Variants in ADAMTS3 observed in about 807,000 individuals in gnomAD.
The protein encoded by ADAMTS3 is A disintegrin and metalloproteinase with thrombospondin motifs 3.
Under a neutral mutation model 129.0 loss-of-function variants are expected in ADAMTS3, and 73 were observed. The observed-to-expected ratio is 0.57, with a 90% CI of 0.47 to 0.69. The LOEUF is 0.69. ADAMTS3 is among the 30% of genes least tolerant of loss of function. The pLI, the probability that ADAMTS3 is intolerant of heterozygous loss-of-function variation, is 0.00. For missense variants in ADAMTS3, 1,457 were observed against 1,514.5 expected, an observed-to-expected ratio of 0.96 and a Z score of 0.63; for synonymous variants, 477 against 510.8, an observed-to-expected ratio of 0.93 and a Z score of 0.89.
chr4:72,517,261 C>T (rs1316740779), intron 3 of ADAMTS3, among the ~76,000 whole-genome samples: 4 of 152,170 alleles, frequency 2.6e-5, no homozygotes, highest in East Asian at 1.9e-4. Flanking sequence ...AGGAGATTTG[C>T]ATCAATGTTC....
intron 21 of ADAMTS3, among the ~76,000 whole-genome samples, chr4:72,284,365 A>G (rs1194923953): frequency 1.3e-5 from 2 of 151,888 alleles, no homozygotes; most frequent in East Asian, 3.9e-4. Flanking sequence ...GAGTGGCGTG[A>G]ACCCAGGAGG....
chr4:72,323,674 A>G (rs1357857939), intron 5 of ADAMTS3, among the ~76,000 whole-genome samples: 1 of 152,140 alleles, frequency 6.6e-6, no homozygotes, highest in Non-Finnish European at 1.5e-5. Context: ...TATTTAAGTT[A>G]CTAAGGAGAC....
At chr4:72,298,533 T>A in intron 17 of ADAMTS3, 91 bp from the exon 18 acceptor site, 1 of 1,042,254 alleles carries the variant, frequency 9.6e-7, no homozygotes, top group Non-Finnish European at 1.4e-6. Context: ...TTGCTCTTAT[T>A]AAAACTGAAA....
At chr4:72,476,937 G>A (rs958891122) in intron 3 of ADAMTS3, among the ~76,000 whole-genome samples, 15 of 152,070 alleles carry the variant, frequency 9.9e-5, no homozygotes, top group African/African-American at 3.1e-4. Context: ...CAGAAAATAC[G>A]TATCAAATGA....
At chr4:72,334,923 A>C (rs1719951683) in intron 5 of ADAMTS3, among the ~76,000 whole-genome samples, 1 of 152,192 alleles carries the variant, frequency 6.6e-6, no homozygotes, top group Admixed American at 6.5e-5. Context: ...AGAGGTTAAA[A>C]AAAGCAGATG....
chr4:72,520,635 C>A (rs1720642093), intron 3 of ADAMTS3, among the ~76,000 whole-genome samples: 1 of 152,210 alleles, frequency 6.6e-6, no homozygotes, highest in African/African-American at 2.4e-5. Flanking sequence ...GGGCGTAGGA[C>A]CCTCCAAGCC....
intron 3 of ADAMTS3, among the ~76,000 whole-genome samples, chr4:72,529,679 T>A (rs1720912170): frequency 7.9e-6 from 1 of 126,480 alleles, no homozygotes; most frequent in Admixed American, 1.1e-4. Flanking sequence ...TAAATATTAT[T>A]TATATATTAA....
intron 3 of ADAMTS3, among the ~76,000 whole-genome samples, chr4:72,437,352 C>A (rs142876487): frequency 1.3e-5 from 2 of 151,770 alleles, no homozygotes; most frequent in African/African-American, 4.8e-5. Context: ...CCACGTACAT[C>A]GAAAATTTAT....
chr4:72,481,585 A>T (rs974400499), intron 3 of ADAMTS3, among the ~76,000 whole-genome samples: 1 of 152,200 alleles, frequency 6.6e-6, no homozygotes, highest in Non-Finnish European at 1.5e-5. Context: ...TCATAAAATC[A>T]TAAGACTTTT....
At chr4:72,398,174 G>A (rs528919710) in intron 4 of ADAMTS3, among the ~76,000 whole-genome samples, 2 of 152,290 alleles carry the variant, frequency 1.3e-5, no homozygotes, top group South Asian at 2.1e-4. Flanking sequence ...TGCTGAGGAT[G>A]AGAGCCATGT....
intron 4 of ADAMTS3, among the ~76,000 whole-genome samples, chr4:72,355,141 C>G (rs1023851073): frequency 2.0e-5 from 3 of 150,650 alleles, no homozygotes; most frequent in Non-Finnish European, 4.4e-5. Flanking sequence ...ATAGTCTACT[C>G]ATTTTTTTTT....
At chr4:72,507,891 CT>C (rs1480549254) in intron 3 of ADAMTS3, among the ~76,000 whole-genome samples, 7 of 152,150 alleles carry the variant, frequency 4.6e-5, no homozygotes, top group African/African-American at 1.7e-4. Context: ...CCTTTTTTGA[CT>C]TGCATATTTA....
At chr4:72,521,953 G>A (rs1381239057) in intron 3 of ADAMTS3, among the ~76,000 whole-genome samples, 1 of 152,080 alleles carries the variant, frequency 6.6e-6, no homozygotes, top group African/African-American at 2.4e-5. Context: ...TCTAATTGAG[G>A]TGGCTCTAAA....
At chr4:72,317,990 C>T (rs1719445499) in intron 10 of ADAMTS3, among the ~76,000 whole-genome samples, 1 of 151,486 alleles carries the variant, frequency 6.6e-6, no homozygotes, top group Non-Finnish European at 1.5e-5. Context: ...GATTGCACCA[C>T]TGCACTCCAG....
At chr4:72,541,112 T>A (rs1721312873) in intron 3 of ADAMTS3, among the ~76,000 whole-genome samples, 1 of 152,156 alleles carries the variant, frequency 6.6e-6, no homozygotes, top group Non-Finnish European at 1.5e-5. Context: ...GGAGGAAGGC[T>A]GTACCCTGCA....
chr4:72,400,116 G>A (rs551528049), intron 4 of ADAMTS3, among the ~76,000 whole-genome samples: 14 of 123,424 alleles, frequency 1.1e-4, no homozygotes, highest in South Asian at 2.9e-4. Context: ...CACACATGGT[G>A]TGTATATACG....
At chr4:72,505,370 A>G (rs1720134481) in intron 3 of ADAMTS3, among the ~76,000 whole-genome samples, 1 of 152,022 alleles carries the variant, frequency 6.6e-6, no homozygotes, top group Admixed American at 6.6e-5. Context: ...CTGTTGGTAG[A>G]TTTTTTTACT....
At chr4:72,404,269 C>T (rs1222267851) in intron 4 of ADAMTS3, among the ~76,000 whole-genome samples, 1 of 151,988 alleles carries the variant, frequency 6.6e-6, no homozygotes, top group Non-Finnish European at 1.5e-5. Flanking sequence ...ACTTCAAAAT[C>T]TATAACCAAG....
intron 2 of ADAMTS3, among the ~76,000 whole-genome samples, chr4:72,554,242 A>C (rs180970589): frequency 6.6e-6 from 1 of 152,318 alleles, no homozygotes; most frequent in Admixed American, 6.5e-5. Flanking sequence ...TTGAAGAGGC[A>C]ATGTTCTTTA....
Sources: allele counts gnomAD v4.1 joint callset (sites outside exome capture counted in the v4.1 genomes callset), GRCh38; gene constraint gnomAD v4.1.1; transcripts MANE v1.5; gene names NCBI Gene and HGNC (gene_info 2026-07-23, HGNC 2026-07-21).